Variants in DMGDH observed in about 807,000 individuals in gnomAD.
DMGDH encodes the protein dimethylglycine dehydrogenase, mitochondrial.
DMGDH carries 76 observed loss-of-function variants against 95.2 expected under a neutral mutation model. The observed-to-expected ratio is 0.80, with a 90% confidence interval of 0.66 to 0.97. The LOEUF is 0.97. DMGDH is among the 50% of genes least tolerant of loss of function. The pLI is 0.00. For synonymous variants in DMGDH, 345 were observed against 377.6 expected (o/e 0.91, Z 1.00); for missense variants, 987 against 1,055.0 (o/e 0.94, Z 0.89).
Position 79,024,615 on chromosome 5 carries a change from T to A in DMGDH, c.2191-285A>T, listed in dbSNP as rs185385266. Among the ~76,000 whole-genome samples the A allele has an allele frequency of 3.0e-4, 45 of 152,332 alleles. No homozygotes were observed. The East Asian group carries it at 8.3e-3, about 28-fold the overall frequency. ...AACATCTGAGGGAATGTACGTGATG[T>A]TTCTTCTAGAAACAAGATTTTCACA... On this transcript the variant is annotated intron_variant, in intron 13 of 15. Transcript: ENST00000255189.
intron 14 of DMGDH, among the ~76,000 whole-genome samples, chr5:79,012,166 T>C (rs1241747466): frequency 6.6e-6 from 1 of 152,164 alleles, no homozygotes; most frequent in Non-Finnish European, 1.5e-5. Context: ...ATACAAGCAC[T>C]GGGTAAACAT....
rs1458062820 is a variant in DMGDH at position 79,055,878 on chromosome 5, T to C, written c.307A>G (p.Ile103Val). 1 of 1,612,238 alleles carries C rather than the reference T, an allele frequency of 6.2e-7. No homozygotes were observed. The highest frequency in any genetic ancestry group is 8.5e-7 in the Non-Finnish European group (1 of 1,178,340). The change falls in exon 3 of 16, where the codon ATA (isoleucine) becomes GTA (valine). Residue 103 changes from isoleucine (I) to valine (V), a missense_variant. Transcript: ENST00000255189. ...AGLTTYFHPG[I>V]NLKKIHYDSI... ...TCATAATGTATTTTCTTCAAGTTTA[T>C]TCCAGGATGAAAGTAAGTTGTTAAA...
chr5:79,033,503 G>T, intron 7 of DMGDH, 95 bp from the exon 8 acceptor site: 2 of 1,426,072 alleles, frequency 1.4e-6, no homozygotes, highest in Non-Finnish European at 2.0e-6. Context: ...AAGTTGGACT[G>T]TTCTGTGCTA....
At chr5:79,029,651 T>C (rs919363304) in intron 11 of DMGDH, among the ~76,000 whole-genome samples, 3 of 150,888 alleles carry the variant, frequency 2.0e-5, no homozygotes, top group South Asian at 4.2e-4. Flanking sequence ...AAAAAGGTTC[T>C]GGCACATTGA....
chr5:79,027,709 G>A (rs1180271508), intron 12 of DMGDH, among the ~76,000 whole-genome samples: 1 of 152,142 alleles, frequency 6.6e-6, no homozygotes, highest in Admixed American at 6.5e-5. Context: ...TGTTGGCAAT[G>A]CTCTAGGAGA....
At chr5:79,056,788 T>C (rs76914455) in intron 2 of DMGDH, among the ~76,000 whole-genome samples, 1 of 144,282 alleles carries the variant, frequency 6.9e-6, no homozygotes, top group African/African-American at 2.6e-5. Context: ...CCGGGAGGCA[T>C]AGGTTGCAGT....
chr5:79,067,637 C>T (rs1390055173), intron 1 of DMGDH, among the ~76,000 whole-genome samples: 1 of 152,154 alleles, frequency 6.6e-6, no homozygotes, highest in African/African-American at 2.4e-5. Flanking sequence ...ATAGTATTTC[C>T]TCGGCCCAGC....
intron 7 of DMGDH, among the ~76,000 whole-genome samples, chr5:79,041,548 CAGCAGA>C (rs1754506896): frequency 1.3e-5 from 2 of 152,156 alleles, no homozygotes; most frequent in Non-Finnish European, 2.9e-5. Flanking sequence ...GTGAAAAATG[CAGCAGA>C]CATGTTATAC....
intron 15 of DMGDH, among the ~76,000 whole-genome samples, chr5:79,003,331 T>A (rs2112598201): frequency 6.6e-6 from 1 of 152,242 alleles, no homozygotes; most frequent in South Asian, 2.1e-4. Context: ...CAGGATCAGG[T>A]CAAATAGTTA....
chr5:79,053,238 A>T, intron 4 of DMGDH, among the ~76,000 whole-genome samples: 1 of 152,130 alleles, frequency 6.6e-6, no homozygotes, highest in Non-Finnish European at 1.5e-5. Context: ...CTATAACCTC[A>T]AACACCTGGG....
intron 12 of DMGDH, among the ~76,000 whole-genome samples, chr5:79,027,611 A>G (rs10514154): frequency 0.19 from 29,477 of 152,102 alleles, 2,895 homozygotes; most frequent in South Asian, 0.23. Context: ...GCATTCATTC[A>G]TCTCTGTATC....
chr5:79,033,177 T>G (rs1289865423), intron 8 of DMGDH, 62 bp downstream of exon 8: 2 of 1,601,644 alleles, frequency 1.2e-6, no homozygotes, highest in Non-Finnish European at 1.7e-6. Context: ...CCATCTAAAG[T>G]CAGAGATGCT....
intron 7 of DMGDH, among the ~76,000 whole-genome samples, chr5:79,040,095 A>G (rs560114016): frequency 3.3e-5 from 5 of 152,358 alleles, no homozygotes; most frequent in African/African-American, 1.2e-4. Context: ...TTGTGGGAAC[A>G]CCCAGTTGGT....
At chr5:79,019,411 G>A (rs958689304) in intron 14 of DMGDH, among the ~76,000 whole-genome samples, 2 of 151,860 alleles carry the variant, frequency 1.3e-5, no homozygotes, top group African/African-American at 2.4e-5. Flanking sequence ...ACTGAAGTTG[G>A]TATGAAGTTA....
chr5:79,042,083 A>C (rs537389736), intron 7 of DMGDH, among the ~76,000 whole-genome samples, 200 bp downstream of exon 7: 11 of 152,280 alleles, frequency 7.2e-5, no homozygotes, highest in African/African-American at 2.6e-4. Context: ...AAACATATAC[A>C]AGTGATTGAA....
At chr5:79,011,619 A>G (rs1284896695) in intron 14 of DMGDH, among the ~76,000 whole-genome samples, 1 of 152,224 alleles carries the variant, frequency 6.6e-6, no homozygotes, top group Non-Finnish European at 1.5e-5. Context: ...CAGGCTGTAC[A>G]GGAAGCATGA....
chr5:79,019,719 T>C (rs1024282778), intron 14 of DMGDH, among the ~76,000 whole-genome samples: 1 of 152,096 alleles, frequency 6.6e-6, no homozygotes, highest in African/African-American at 2.4e-5. Context: ...ACCTCGTCTC[T>C]ACTAAAAATA....
rs752861815 is a variant in DMGDH, at chr5:79,029,929, AG to A, written c.1788del (p.Ser597LeufsTer27). 1 of 1,614,122 alleles carries A rather than the reference AG, an allele frequency of 6.2e-7. No homozygotes were observed. Among genetic ancestry groups the A allele is most frequent in the South Asian group, 1.1e-5 (1 of 91,078 alleles). The stretch of plus-strand genomic sequence containing the variant: ...CTAAGATCATGAAGTTCTGATCCAG[AG>A]CCAGTAATTAAAAGAAACTCCCCAG... ...QSPGEFLLIT[G>X]SGSELHDLRW... On this transcript the variant is annotated frameshift_variant, in exon 11 of 16. Transcript: ENST00000255189. LOFTEE classifies it high-confidence loss of function.
At chr5:79,016,786 A>G (rs1026283232) in intron 14 of DMGDH, among the ~76,000 whole-genome samples, 2 of 152,230 alleles carry the variant, frequency 1.3e-5, no homozygotes, top group African/African-American at 4.8e-5. Context: ...GGCTATCACA[A>G]CCTTATTTGA....
Sources: gnomAD v4.1 joint callset for allele counts (sites outside exome capture counted in the v4.1 genomes callset) on GRCh38, gnomAD v4.1.1 for gene constraint, MANE v1.5 for transcripts, NCBI Gene and HGNC (gene_info 2026-07-23, HGNC 2026-07-21) for gene names.